HOXC4: variants seen among roughly 807,000 people sequenced by gnomAD.
The protein encoded by HOXC4 is homeobox protein Hox-C4.
Under a neutral mutation model 25.5 loss-of-function variants are expected in HOXC4, and 15 were observed. That is an observed-to-expected ratio of 0.59 (90% CI 0.39 to 0.91). HOXC4 has a LOEUF of 0.91. HOXC4 is among the 40% of genes least tolerant of loss of function. The pLI is 0.00. For synonymous variants in HOXC4, 165 were observed against 148.0 expected (o/e 1.11, Z -0.83); for missense variants, 342 against 352.4 (o/e 0.97, Z 0.24).
chr12:54,032,596 G>A (rs1941026489), intron 1 of HOXC4, among the ~76,000 whole-genome samples: 1 of 152,194 alleles, frequency 6.6e-6, no homozygotes, highest in Non-Finnish European at 1.5e-5. Flanking sequence ...TGCGTTATAA[G>A]TGGGGCCTCG....
At chr12:54,022,167 C>T (rs1278688109) in intron 1 of HOXC4, 1 of 152,090 alleles carries the variant, frequency 6.6e-6, no homozygotes, top group African/African-American at 2.4e-5. Context: ...CCCCCATCAA[C>T]CCAGTCCCCC....
At chr12:54,018,303 G>T (rs940056124) in intron 1 of HOXC4, among the ~76,000 whole-genome samples, 1 of 151,956 alleles carries the variant, frequency 6.6e-6, no homozygotes, top group Non-Finnish European at 1.5e-5. Context: ...CGGGATGCCC[G>T]CTCGCCACGC....
chr12:54,033,828 T>C, intron 1 of HOXC4: 1 of 542,822 alleles, frequency 1.8e-6, no homozygotes, highest in Non-Finnish European at 3.3e-6. Flanking sequence ...GTTAAAAAAA[T>C]AGAGGGATCT....
intron 1 of HOXC4, among the ~76,000 whole-genome samples, chr12:54,017,618 G>A (rs1940213447): frequency 6.6e-6 from 1 of 151,814 alleles, no homozygotes; most frequent in African/African-American, 2.4e-5. Context: ...GGGCGATTGT[G>A]TTGTCCTGAT....
chr12:54,031,149 G>C (rs1241284706), intron 1 of HOXC4, among the ~76,000 whole-genome samples: 1 of 152,270 alleles, frequency 6.6e-6, no homozygotes, highest in Non-Finnish European at 1.5e-5. Context: ...GTGGCAGCCG[G>C]TGTCCTCGGC....
chr12:54,049,416 T>C (rs1463105703), upstream of HOXC4, among the ~76,000 whole-genome samples: 1 of 152,002 alleles, frequency 6.6e-6, no homozygotes. Context: ...TTGAGGAAAA[T>C]TGAATTCCAA....
intron 1 of HOXC4, among the ~76,000 whole-genome samples, chr12:54,045,992 TTCC>T (rs916967733): frequency 3.3e-4 from 50 of 152,258 alleles, no homozygotes; most frequent in Non-Finnish European, 4.1e-4. Flanking sequence ...TCCAGCCCAG[TTCC>T]TGTTGGATCC....
upstream of HOXC4, among the ~76,000 whole-genome samples, chr12:54,052,295 A>C (rs1396284888): frequency 1.3e-5 from 2 of 152,204 alleles, no homozygotes. Context: ...AGCCCTATAA[A>C]AGCTGTAGCG....
At position 54,018,006 on chromosome 12, in the gene HOXC4, C is replaced by A. The variant is rs146096084; in HGVS notation, c.-124+592C>A. 3.9e-5 allele frequency among the ~76,000 whole-genome samples: 6 copies of A among 152,180 alleles called. No individual in the cohort carries two copies. In the East Asian group the frequency reaches 9.6e-4, roughly 24 times the overall value. On this transcript the variant is annotated intron_variant, in intron 1 of 3. Coordinates refer to the HOXC4 transcript ENST00000303406. ...CAGGAAGCCGGCGCAGCTAGGCGGC[C>A]GGCGGGGCCTGTTAATTGGCAATTA...
At chr12:54,025,877 C>T (rs1195041343) in intron 1 of HOXC4, among the ~76,000 whole-genome samples, 2 of 152,090 alleles carry the variant, frequency 1.3e-5, no homozygotes, top group African/African-American at 2.4e-5. Flanking sequence ...ACCTAGGCAT[C>T]CTTGCTGGGG....
At chr12:54,046,472 CAA>C (rs1937707770) in intron 1 of HOXC4, among the ~76,000 whole-genome samples, 1 of 152,078 alleles carries the variant, frequency 6.6e-6, no homozygotes. Context: ...GTGGCCAACT[CAA>C]GTGTCACTGA....
At position 54,054,115 on chromosome 12, in the gene HOXC4, C is replaced by T; in HGVS notation, c.193C>T (p.Arg65Cys). ...PPPPRPSYPE[R>C]QYSCTSLQGP... is the part of the protein sequence containing the mutation. Reference sequence around the variant, plus strand: ...GCCTCCGCGCCCTAGCTACCCTGAGCGCCAGTATAGCTGCACCAGTCTCCA... The same window carrying T: ...GCCTCCGCGCCCTAGCTACCCTGAGTGCCAGTATAGCTGCACCAGTCTCCA... The change falls in exon 1 of 2, where the codon CGC becomes TGC. Residue 65 changes from arginine to cysteine, a missense_variant. Physicochemically the swap from Arg to Cys is radical, Grantham distance 180. Coordinates refer to ENST00000430889, the MANE Select transcript of HOXC4 (RefSeq NM_153633.3). 1 of 1,614,180 alleles carries T rather than the reference C, an allele frequency of 6.2e-7. No individual in the cohort carries two copies. Among genetic ancestry groups the T allele is most frequent in the Non-Finnish European group, 8.5e-7 (1 of 1,180,026 alleles).
chr12:54,046,383 C>G (rs867398128), intron 1 of HOXC4, among the ~76,000 whole-genome samples: 1 of 152,094 alleles, frequency 6.6e-6, no homozygotes, highest in Non-Finnish European at 1.5e-5. Flanking sequence ...CTCTTATTTA[C>G]CCGGCAACAT....
chr12:54,018,486 G>T (rs1448970260), intron 1 of HOXC4, among the ~76,000 whole-genome samples: 1 of 152,232 alleles, frequency 6.6e-6, no homozygotes, highest in Non-Finnish European at 1.5e-5. Context: ...AGCCTGGGGC[G>T]GCGGGAGGGT....
intron 1 of HOXC4, chr12:54,037,715 C>T (rs1941210665): frequency 1.3e-5 from 2 of 152,208 alleles, no homozygotes; most frequent in African/African-American, 4.8e-5. Context: ...AATAGGCATG[C>T]TTCTATGTGA....
chr12:54,027,696 G>A (rs1190735328), intron 1 of HOXC4, among the ~76,000 whole-genome samples: 4 of 151,994 alleles, frequency 2.6e-5, no homozygotes, highest in Non-Finnish European at 5.9e-5. Flanking sequence ...TCCCAACAGA[G>A]GGGTCCTGAG....
chr12:54,023,843 T>G (rs895405580), intron 1 of HOXC4, among the ~76,000 whole-genome samples: 5 of 152,152 alleles, frequency 3.3e-5, no homozygotes, highest in Non-Finnish European at 5.9e-5. Context: ...TATGGGAAAC[T>G]GGAAGCCCCT....
rs772493927 is a variant in HOXC4 at position 54,028,600 on chromosome 12, A to C, written c.-124+11186A>C. 9.3e-6 allele frequency: 15 copies of C among 1,614,016 alleles called. No homozygotes were observed. Among genetic ancestry groups the C allele is most frequent in the Non-Finnish European group, 1.3e-5 (15 of 1,180,020 alleles). On this transcript the variant is annotated intron_variant, in intron 1 of 3. Transcript: ENST00000303406. Reference sequence around the variant, plus strand: ...GGACGTCCTCCCCAACGTCGCCCTCAATTCCACCGCCTATGATCCAGTGAG... The same window carrying C: ...GGACGTCCTCCCCAACGTCGCCCTCCATTCCACCGCCTATGATCCAGTGAG...
At chr12:54,054,824 A>C (rs1592250563) in intron 1 of HOXC4, 26 bp from the exon 2 acceptor site, 1 of 1,522,814 alleles carries the variant, frequency 6.6e-7, no homozygotes, top group Non-Finnish European at 9.0e-7. Flanking sequence ...TCTGAACCCC[A>C]CTATTTGCTT....
Sources: allele counts gnomAD v4.1 joint callset (sites outside exome capture counted in the v4.1 genomes callset), GRCh38; gene constraint gnomAD v4.1.1; transcripts MANE v1.5; gene names NCBI Gene and HGNC (gene_info 2026-07-23, HGNC 2026-07-21).